The following TPO variants were observed in gnomAD, a reference collection of about 807,000 sequenced individuals.
TPO encodes the protein thyroid peroxidase.
Under a neutral mutation model 96.9 loss-of-function variants are expected in TPO, and 78 were observed. That is an observed-to-expected ratio of 0.81 (90% CI 0.67 to 0.97). The LOEUF (loss-of-function observed/expected upper bound fraction) is 0.97, where lower values mean the gene tolerates loss of function less well. TPO is among the 50% of genes least tolerant of loss of function. The pLI, the probability that TPO is intolerant of heterozygous loss-of-function variation, is 0.00. For missense variants in TPO, 1,252 were observed against 1,274.8 expected (o/e 0.98, Z 0.27); for synonymous variants, 547 against 538.0 (o/e 1.02, Z -0.23).
At position 1,529,156 on chromosome 2, in the gene TPO, C is replaced by CCGAA. The variant is rs1293752457; in HGVS notation, c.2619-11438_2619-11437insCGAA. 2.4e-4 allele frequency among the ~76,000 whole-genome samples: 23 copies of CCGAA among 97,216 alleles called. 5 individuals are homozygous for CCGAA. The highest frequency in any genetic ancestry group is 4.2e-4 in the African/African-American group (9 of 21,646). The allele number at this position is 97,216 out of a possible 152,430, so 63.8% of individuals were successfully genotyped here. On this transcript the variant is annotated intron_variant, in intron 15 of 16. Coordinates refer to ENST00000329066, the MANE Select transcript of TPO (RefSeq NM_001206744.2). ...AATCCCCCCACTGTGTGCAACCTCC[C>CCGAA]TGAATCCCCCCACTGTGTGCAGCCT...
At chr2:1,478,166 C>CTTAA (rs1336226871) in intron 8 of TPO, 2 of 983,506 alleles carry the variant, frequency 2.0e-6, no homozygotes, top group African/African-American at 3.5e-5. Context: ...CATTTTATGA[C>CTTAA]TTTCTTAAGT....
At chr2:1,491,905 C>T (rs13430623) in intron 10 of TPO, among the ~76,000 whole-genome samples, 4,313 of 152,262 alleles carry the variant, frequency 0.028, 199 homozygotes, top group African/African-American at 0.098. Flanking sequence ...TTCTGCAGAT[C>T]ACAGGGCGGC....
chr2:1,438,374 T>C (rs1665799708), intron 5 of TPO, among the ~76,000 whole-genome samples: 1 of 152,190 alleles, frequency 6.6e-6, no homozygotes, highest in Admixed American at 6.5e-5. Context: ...CGTTAACAAG[T>C]CTGGGACTCT....
chr2:1,532,390 C>A lies in TPO; in HGVS notation c.2619-8204C>A, dbSNP rs1213919661. 5.1e-5 allele frequency among the ~76,000 whole-genome samples: 5 copies of A among 98,978 alleles called. No individual in the cohort carries two copies. The East Asian group carries it at 1.7e-3, about 35-fold the overall frequency. 64.9% of individuals were successfully genotyped at this position (98,978 alleles called of 152,430 possible). Reference sequence around the variant, plus strand: ...CCCACAGTGCGCAACCTCCTCAAATCCCCCACCACTGTGAGCAACCTCCCC... The same window carrying A: ...CCCACAGTGCGCAACCTCCTCAAATACCCCACCACTGTGAGCAACCTCCCC... On this transcript the variant is annotated intron_variant, in intron 15 of 16. Transcript: ENST00000329066.
At chr2:1,521,887 C>T (rs992140929) in intron 15 of TPO, among the ~76,000 whole-genome samples, 1 of 151,990 alleles carries the variant, frequency 6.6e-6, no homozygotes, top group Non-Finnish European at 1.5e-5. Context: ...CACCCCAGTC[C>T]CCCCGTGGGT....
At chr2:1,440,128 T>C (rs1666009606) in intron 5 of TPO, among the ~76,000 whole-genome samples, 1 of 151,812 alleles carries the variant, frequency 6.6e-6, no homozygotes, top group Admixed American at 6.6e-5. Flanking sequence ...ATGTGCTACA[T>C]TTCCACTGTG....
intron 7 of TPO, among the ~76,000 whole-genome samples, chr2:1,457,788 C>T (rs1395339340): frequency 1.3e-5 from 2 of 150,134 alleles, no homozygotes; most frequent in East Asian, 2.0e-4. Context: ...CAGGTGGGCT[C>T]GTGTGTATAT....
At chr2:1,512,554 T>TGACTTCAGGTTC in intron 14 of TPO, 1 of 911,942 alleles carries the variant, frequency 1.1e-6, no homozygotes, top group Non-Finnish European at 1.3e-6. Context: ...GCTGGGCTCC[T>TGACTTCAGGTTC]GGCTGCCGAA....
rs765765535 is a variant in TPO, at chr2:1,542,422, A to G, written c.2750A>G (p.Glu917Gly). ...QRAAAQDSEQ[E>G]SAGMEGRDTH... ...AATGTTTGTTCTGCATTTTTGCAGG[A>G]GAGTGCTGGGATGGAAGGCCGGGAT... The change falls in exon 17 of 17, where the codon GAG (glutamate) becomes GGG (glycine). Residue 917 changes from glutamate to glycine, a missense_variant and splice_region_variant. By Grantham distance (98) the Glu-to-Gly change is moderately conservative (BLOSUM62 -2). Transcript: ENST00000329066. The G allele has an allele frequency of 5.0e-6, 8 of 1,614,184 alleles. No homozygotes were observed. The highest frequency in any genetic ancestry group is 5.9e-6 in the Non-Finnish European group (7 of 1,180,024).
intron 15 of TPO, 58 bp from the exon 16 acceptor site, chr2:1,540,536 C>A (rs1313538183): frequency 1.4e-5 from 23 of 1,606,270 alleles, no homozygotes; most frequent in Non-Finnish European, 1.8e-5. Flanking sequence ...GTGCTCTCTA[C>A]CCTCCACAGT....
intron 7 of TPO, among the ~76,000 whole-genome samples, chr2:1,468,868 T>C (rs1669132024): frequency 6.6e-6 from 1 of 152,228 alleles, no homozygotes; most frequent in Non-Finnish European, 1.5e-5. Context: ...TCATTAGACA[T>C]AATCCCAGAC....
chr2:1,385,598 C>G (rs1236292944), intron 1 of TPO, among the ~76,000 whole-genome samples: 1 of 151,188 alleles, frequency 6.6e-6, no homozygotes, highest in African/African-American at 2.4e-5. Context: ...ATTCTTCTCT[C>G]TTTTCTTCTT....
rs1430477370 is a variant in TPO at position 1,487,922 on chromosome 2, C to A, written c.1699C>A (p.Leu567Met). 6.2e-7 allele frequency: 1 copy of A among 1,614,182 alleles called. No homozygotes were observed. The highest frequency in any genetic ancestry group is 8.5e-7 in the Non-Finnish European group (1 of 1,180,034). ...NEELTERLFV[L>M]SNSSTLDLAS... ...GGAGCTGACGGAAAGGCTCTTTGTG[C>A]TGTCCAATTCCAGCACCTTGGATCT... The change falls in exon 10 of 17, where the codon CTG becomes ATG. Residue 567 changes from leucine (L) to methionine (M), a missense_variant. By Grantham distance (15) the Leu-to-Met change is conservative (BLOSUM62 2). Coordinates refer to ENST00000329066, the MANE Select transcript of TPO (RefSeq NM_001206744.2).
chr2:1,525,172 A>C (rs1479159249), intron 15 of TPO, among the ~76,000 whole-genome samples: 1 of 83,484 alleles, frequency 1.2e-5, no homozygotes, highest in East Asian at 3.7e-4. Context: ...CAAGTCCCCC[A>C]CTGTGTGCAA....
Position 1,503,879 on chromosome 2 carries a change from G to A in TPO, c.2387-69G>A, listed in dbSNP as rs1673128071. On this transcript the variant is annotated intron_variant, in intron 13 of 16. Coordinates refer to ENST00000329066, the MANE Select transcript of TPO (RefSeq NM_001206744.2). ...CCCAGAGAGAAGCACCTCCCAGAAC[G>A]GGGGTCGCTCGCGGGAGATGGGGGT... The A allele has an allele frequency of 7.4e-6, 12 of 1,612,970 alleles. No individual in the cohort carries two copies. The Middle Eastern group carries it at 4.9e-4, about 66-fold the overall frequency.
chr2:1,382,694 T>C (rs570083807), intron 1 of TPO, among the ~76,000 whole-genome samples: 3 of 152,250 alleles, frequency 2.0e-5, no homozygotes, highest in East Asian at 1.9e-4. Flanking sequence ...TACATAGATA[T>C]GTAAAGAAAA....
In TPO at chr2:1,413,818, G is replaced by A. The variant is rs951338649; in HGVS notation, c.-2+273G>A. ...GGTGCTATCCTGCTTAACAAAATTA[G>A]TGGCTCAAAAATAGCCACAGAAAGC... On this transcript the variant is annotated intron_variant, in intron 1 of 16. Transcript: ENST00000329066. 4 of 880,864 alleles carry A rather than the reference G, an allele frequency of 4.5e-6. No individual in the cohort carries two copies. The South Asian group carries it at 1.6e-4, about 34-fold the overall frequency. The allele number at this position is 880,864 out of a possible 1,614,324, so 54.6% of individuals were successfully genotyped here. A position where few individuals can be genotyped will look rare whatever the true frequency, so the allele number is the denominator to read the frequency against.
At chr2:1,390,556 T>G (rs1431724020) in intron 1 of TPO, among the ~76,000 whole-genome samples, 3 of 152,182 alleles carry the variant, frequency 2.0e-5, no homozygotes, top group Admixed American at 2.0e-4. Context: ...GTAATGGGAT[T>G]GCTGGGTCAA....
chr2:1,439,044 T>C (rs1324608588), intron 5 of TPO: 6 of 545,144 alleles, frequency 1.1e-5, no homozygotes, highest in Admixed American at 9.3e-5. Flanking sequence ...CAAAAAAAAC[T>C]CTTTAAAAAA....
Sources: allele counts gnomAD v4.1 joint callset (sites outside exome capture counted in the v4.1 genomes callset), GRCh38; gene constraint gnomAD v4.1.1; transcripts MANE v1.5; gene names NCBI Gene and HGNC (gene_info 2026-07-23, HGNC 2026-07-21).